PCDHA1: variants seen among roughly 807,000 people sequenced by gnomAD.
PCDHA1 encodes the protein protocadherin alpha 1.
A neutral mutation model predicts 61.3 loss-of-function variants in PCDHA1; 42 were observed. The observed-to-expected ratio is 0.69, with a 90% confidence interval of 0.54 to 0.89. The LOEUF (loss-of-function observed/expected upper bound fraction) is 0.89. Ranked by LOEUF, PCDHA1 falls within the 40% of genes least tolerant of loss-of-function variation. The probability of loss-of-function intolerance (pLI) is 0.00; values close to 1 mark genes in which losing one functional copy is unlikely to be tolerated. For missense variants in PCDHA1, 1,256 were observed against 1,235.3 expected (o/e 1.02, Z -0.25); for synonymous variants, 610 against 553.8 (o/e 1.10, Z -1.43).
At chr5:140,966,922 G>C (rs782206344) in intron 1 of PCDHA1, 7 of 1,602,954 alleles carry the variant, frequency 4.4e-6, no homozygotes, top group Non-Finnish European at 5.9e-6. Context: ...CAGAGGAGCA[G>C]GCACCCGGCG....
At chr5:140,923,165 A>G (rs1307354165) in intron 1 of PCDHA1, among the ~76,000 whole-genome samples, 1 of 152,148 alleles carries the variant, frequency 6.6e-6, no homozygotes. Context: ...AGAAAGATAA[A>G]TTTTTGTTCA....
intron 1 of PCDHA1, among the ~76,000 whole-genome samples, chr5:140,894,634 T>C (rs1412183022): frequency 1.3e-5 from 2 of 151,970 alleles, no homozygotes; most frequent in Non-Finnish European, 2.9e-5. Flanking sequence ...TCCAATCATA[T>C]CATTACTGAG....
intron 3 of PCDHA1, among the ~76,000 whole-genome samples, chr5:140,992,758 G>T (rs1160312796): frequency 6.6e-6 from 1 of 152,182 alleles, no homozygotes; most frequent in Non-Finnish European, 1.5e-5. Flanking sequence ...CTGTGTTGGG[G>T]ATAGGAGGGT....
chr5:141,000,389 C>A (rs868958582), intron 3 of PCDHA1, among the ~76,000 whole-genome samples: 168 of 62,538 alleles, frequency 2.7e-3, no homozygotes, highest in Non-Finnish European at 3.7e-3. Flanking sequence ...CTCTCTCTCT[C>A]TCTCTCTATA....
chr5:140,908,430 C>T (rs543426512), intron 1 of PCDHA1, among the ~76,000 whole-genome samples: 56 of 152,262 alleles, frequency 3.7e-4, no homozygotes, highest in Admixed American at 7.2e-4. Flanking sequence ...TGCTGCTGTG[C>T]GCACCCCACT....
intron 1 of PCDHA1, chr5:140,801,540 C>G: frequency 6.2e-7 from 1 of 1,614,216 alleles, no homozygotes; most frequent in African/African-American, 1.3e-5. Context: ...CAGGCCGCTG[C>G]AGGTTTTCCA....
chr5:140,913,138 T>C (rs1367874502), intron 1 of PCDHA1, among the ~76,000 whole-genome samples: 1 of 152,204 alleles, frequency 6.6e-6, no homozygotes, highest in East Asian at 1.9e-4. Flanking sequence ...CTCTACTTTT[T>C]GGAATAGTTT....
At chr5:140,822,156 C>T (rs1767212129) in intron 1 of PCDHA1, 1 of 1,614,134 alleles carries the variant, frequency 6.2e-7, no homozygotes, top group African/African-American at 1.3e-5. Context: ...ACATCAATGA[C>T]AATCCGCCCA....
intron 1 of PCDHA1, chr5:140,805,413 G>A: frequency 9.4e-7 from 1 of 1,067,844 alleles, no homozygotes; most frequent in Non-Finnish European, 1.1e-6. Context: ...AAATTTGGTG[G>A]GTTTTTTGTT....
Position 140,809,206 on chromosome 5 carries a change from A to C in PCDHA1, c.2394+20522A>C, listed in dbSNP as rs112533262. The C allele has an allele frequency of 4.9e-4, 783 of 1,614,042 alleles. 5 individuals are homozygous for C. In the African/African-American group the frequency reaches 9.3e-3, roughly 19 times the overall value. On this transcript the variant is annotated intron_variant, in intron 1 of 3. Coordinates refer to ENST00000504120, the MANE Select transcript of PCDHA1 (RefSeq NM_018900.4). ...TGCTGGTGTCACTTGTGGAGAGTGG[A>C]CAGGCGCCAAAGGCCTCCTCACGGG...
intron 1 of PCDHA1, among the ~76,000 whole-genome samples, chr5:140,838,702 G>A (rs1775843777): frequency 6.6e-6 from 1 of 152,008 alleles, no homozygotes; most frequent in South Asian, 2.1e-4. Context: ...TCGGGAGGCC[G>A]AGGCAGGAGG....
chr5:140,898,035 TG>T (rs1376690690), intron 1 of PCDHA1, among the ~76,000 whole-genome samples: 1 of 152,120 alleles, frequency 6.6e-6, no homozygotes, highest in Non-Finnish European at 1.5e-5. Flanking sequence ...TTGATGGGGT[TG>T]TTTGTTTTTT....
At chr5:140,970,567 T>G (rs558796957) in intron 1 of PCDHA1, among the ~76,000 whole-genome samples, 7 of 152,284 alleles carry the variant, frequency 4.6e-5, no homozygotes, top group African/African-American at 1.7e-4. Context: ...TCCATATGTA[T>G]GCTTGAAATA....
chr5:140,817,721 A>G (rs1554127290), intron 1 of PCDHA1: 1 of 152,162 alleles, frequency 6.6e-6, no homozygotes, highest in Non-Finnish European at 1.5e-5. Flanking sequence ...GTTAACACCT[A>G]TATATGTTTC....
At chr5:140,875,504 C>G (rs1554167711) in intron 1 of PCDHA1, 2 of 1,613,462 alleles carry the variant, frequency 1.2e-6, no homozygotes, top group African/African-American at 2.7e-5. Context: ...GGCCCGGGAT[C>G]CCAGCGTCTG....
chr5:140,884,461 G>A (rs2060188157), intron 1 of PCDHA1: 3 of 1,613,646 alleles, frequency 1.9e-6, no homozygotes, highest in African/African-American at 1.3e-5. Flanking sequence ...CCGAGGGCGC[G>A]TGCGCGCCGG....
At chr5:140,798,927 A>G (rs956433419) in intron 1 of PCDHA1, among the ~76,000 whole-genome samples, 8 of 152,216 alleles carry the variant, frequency 5.3e-5, no homozygotes, top group Non-Finnish European at 1.0e-4. Context: ...AAATCATAGA[A>G]ATAACTTCCA....
intron 1 of PCDHA1, chr5:140,884,080 T>C (rs2059984285): frequency 6.2e-7 from 1 of 1,613,538 alleles, no homozygotes; most frequent in Non-Finnish European, 8.5e-7. Flanking sequence ...CGGGCTACAA[T>C]GCGTGGCTTT....
intron 3 of PCDHA1, 64 bp downstream of exon 3, chr5:140,982,627 T>A: frequency 6.3e-7 from 1 of 1,581,770 alleles, no homozygotes; most frequent in Non-Finnish European, 8.6e-7. Flanking sequence ...GACCTACTTT[T>A]GTAAGATCAG....
Sources: gnomAD v4.1 joint callset for allele counts (sites outside exome capture counted in the v4.1 genomes callset) on GRCh38, gnomAD v4.1.1 for gene constraint, MANE v1.5 for transcripts, NCBI Gene and HGNC (gene_info 2026-07-23, HGNC 2026-07-21) for gene names.